The following SLC25A26 variants were observed in gnomAD, a reference collection of about 807,000 sequenced individuals.
SLC25A26 encodes solute carrier family 25 member 26.
Under a neutral mutation model 37.8 loss-of-function variants are expected in SLC25A26, and 36 were observed. The observed-to-expected ratio is 0.95, with a 90% CI of 0.73 to 1.26. SLC25A26 has a LOEUF of 1.26. Among genes scored for constraint, SLC25A26 ranks in the 50% most tolerant of loss-of-function variants. The pLI, the probability that SLC25A26 is intolerant of heterozygous loss-of-function variation, is 0.00. For missense variants in SLC25A26, 390 were observed against 331.1 expected (o/e 1.18, Z -1.38); for synonymous variants, 129 against 122.5 (o/e 1.05, Z -0.35).
intron 1 of SLC25A26, among the ~76,000 whole-genome samples, chr3:66,155,896 ACCAGACCACT>A (rs2070276132): frequency 6.6e-6 from 1 of 152,176 alleles, no homozygotes; most frequent in Non-Finnish European, 1.5e-5. Flanking sequence ...CATACATGAG[ACCAGACCACT>A]CCACTCTCTC....
At chr3:66,340,258 T>C (rs9847620) in intron 5 of SLC25A26, among the ~76,000 whole-genome samples, 7,361 of 152,160 alleles carry the variant, frequency 0.048, 599 homozygotes, top group African/African-American at 0.17. Flanking sequence ...GTAGCTACTT[T>C]TGAAATCAGA....
intron 5 of SLC25A26, among the ~76,000 whole-genome samples, chr3:66,346,162 G>A (rs906382920): frequency 6.6e-6 from 1 of 152,190 alleles, no homozygotes; most frequent in Non-Finnish European, 1.5e-5. Flanking sequence ...GTGACAGAGC[G>A]AGACTTCCTC....
chr3:66,181,460 C>T (rs996678561), intron 1 of SLC25A26, among the ~76,000 whole-genome samples: 4 of 152,280 alleles, frequency 2.6e-5, no homozygotes, highest in South Asian at 2.1e-4. Flanking sequence ...TACTGGCAAA[C>T]GGCACCCTAA....
chr3:66,372,835 G>A (rs1434173821), intron 9 of SLC25A26, among the ~76,000 whole-genome samples: 1 of 152,130 alleles, frequency 6.6e-6, no homozygotes, highest in African/African-American at 2.4e-5. Flanking sequence ...AGCACACAGC[G>A]CTGCTGCCAC....
intron 1 of SLC25A26, among the ~76,000 whole-genome samples, chr3:66,202,838 T>G (rs1304652936): frequency 2.0e-5 from 3 of 152,194 alleles, no homozygotes; most frequent in African/African-American, 7.2e-5. Flanking sequence ...GTGTGAATCC[T>G]GAAGTTTGAC....
intron 5 of SLC25A26, among the ~76,000 whole-genome samples, chr3:66,285,241 T>G (rs1294291236): frequency 6.6e-6 from 1 of 152,134 alleles, no homozygotes; most frequent in Non-Finnish European, 1.5e-5. Flanking sequence ...CAAAGAAAGA[T>G]TGCTATCCAC....
intron 5 of SLC25A26, among the ~76,000 whole-genome samples, chr3:66,289,762 A>G (rs2074641613): frequency 6.6e-6 from 1 of 152,196 alleles, no homozygotes; most frequent in South Asian, 2.1e-4. Flanking sequence ...TGATGCCTCC[A>G]GCTTTGTTCT....
chr3:66,206,143 G>A (rs988292006), intron 1 of SLC25A26, among the ~76,000 whole-genome samples: 46 of 152,224 alleles, frequency 3.0e-4, no homozygotes, highest in Admixed American at 1.5e-3. Flanking sequence ...AAGAGAGAGG[G>A]CTCAGGTAGA....
intron 6 of SLC25A26, among the ~76,000 whole-genome samples, chr3:66,349,584 C>T (rs2076403852): frequency 6.6e-6 from 1 of 151,918 alleles, no homozygotes; most frequent in Non-Finnish European, 1.5e-5. Context: ...TATGGATATG[C>T]TACAATTTAT....
At chr3:66,198,960 G>T (rs1030027508) in intron 1 of SLC25A26, among the ~76,000 whole-genome samples, 5 of 151,594 alleles carry the variant, frequency 3.3e-5, no homozygotes, top group Admixed American at 6.6e-5. Context: ...ACTTGGCACT[G>T]ACCCTCCATG....
intron 5 of SLC25A26, among the ~76,000 whole-genome samples, chr3:66,263,904 C>T (rs933057500): frequency 1.4e-4 from 22 of 152,178 alleles, no homozygotes; most frequent in Non-Finnish European, 1.8e-4. Flanking sequence ...ATGATCCTCC[C>T]GCCTCGGCCT....
intron 3 of SLC25A26, among the ~76,000 whole-genome samples, chr3:66,255,989 A>G (rs1678101): frequency 0.12 from 18,518 of 152,246 alleles, 1,459 homozygotes; most frequent in Middle Eastern, 0.2. Flanking sequence ...AAGAACTAAA[A>G]ACACAATAGT....
rs983555844 is a variant in SLC25A26, at chr3:66,377,903, G to A, written c.*96G>A. 4.4e-6 allele frequency: 4 copies of A among 912,214 alleles called. No individual in the cohort carries two copies. The highest frequency in any genetic ancestry group is 7.1e-6 in the Non-Finnish European group (4 of 567,296). The allele number at this position is 912,214 out of a possible 1,614,324, so 56.5% of individuals were successfully genotyped here. A position where few individuals can be genotyped will look rare whatever the true frequency, so the allele number is the denominator to read the frequency against. On this transcript the variant is annotated 3_prime_UTR_variant, in exon 10 of 10. Transcript: ENST00000354883. Reference sequence around the variant, plus strand: ...AGCTGTCTGAACTATAGGCCCCAGTGCTGAAGACCAGTTGTGCTAAGATAC... The same window carrying A: ...AGCTGTCTGAACTATAGGCCCCAGTACTGAAGACCAGTTGTGCTAAGATAC...
At chr3:66,337,908 G>A (rs2107704502) in intron 5 of SLC25A26, among the ~76,000 whole-genome samples, 1 of 151,752 alleles carries the variant, frequency 6.6e-6, no homozygotes, top group African/African-American at 2.4e-5. Flanking sequence ...TACATTTTTA[G>A]GTAAAATTCA....
chr3:66,133,642 T>C (rs1289485854), exon 1 of SLC25A26: 1 of 152,238 alleles, frequency 6.6e-6, no homozygotes, highest in African/African-American at 2.4e-5. Flanking sequence ...CCTGTCTTCA[T>C]CTATCAGCCC....
intron 5 of SLC25A26, among the ~76,000 whole-genome samples, chr3:66,330,041 A>T (rs980267980): frequency 6.6e-6 from 1 of 152,128 alleles, no homozygotes; most frequent in African/African-American, 2.4e-5. Context: ...AGGACACCCT[A>T]CTGTCACCCC....
At chr3:66,258,740 C>T (rs1261989413) in intron 3 of SLC25A26, among the ~76,000 whole-genome samples, 1 of 152,008 alleles carries the variant, frequency 6.6e-6, no homozygotes, top group East Asian at 1.9e-4. Flanking sequence ...GCACCACCTA[C>T]TCAGGAGGCC....
intron 5 of SLC25A26, among the ~76,000 whole-genome samples, chr3:66,343,125 G>A (rs371850814): frequency 3.9e-5 from 6 of 152,190 alleles, no homozygotes; most frequent in East Asian, 3.8e-4. Flanking sequence ...CAAGCCAGAC[G>A]CGGGGAGGGA....
At chr3:66,220,673 C>G, upstream of SLC25A26, 1 of 195,640 alleles carries the variant, frequency 5.1e-6, no homozygotes, top group Non-Finnish European at 1.0e-5. Context: ...CGAATCGCGC[C>G]TCCCGAGGTT....
Sources: gnomAD v4.1 joint callset for allele counts (sites outside exome capture counted in the v4.1 genomes callset) on GRCh38, gnomAD v4.1.1 for gene constraint, MANE v1.5 for transcripts, NCBI Gene and HGNC (gene_info 2026-07-23, HGNC 2026-07-21) for gene names.